Variants in TRAPPC9 observed in about 807,000 individuals in gnomAD.
TRAPPC9 encodes the protein trafficking protein particle complex subunit 9, also known as IKK2 binding protein.
Under a neutral mutation model 124.0 loss-of-function variants are expected in TRAPPC9, and 83 were observed. That is an observed-to-expected ratio of 0.67 (90% confidence interval 0.56 to 0.80). The LOEUF is 0.80. Ranked by LOEUF, TRAPPC9 falls within the 30% of genes least tolerant of loss-of-function variation. The pLI is 0.00. For missense variants in TRAPPC9, 1,302 were observed against 1,508.3 expected, an observed-to-expected ratio of 0.86 and a Z score of 2.27; for synonymous variants, 638 against 617.5, an observed-to-expected ratio of 1.03 and a Z score of -0.49.
intron 7 of TRAPPC9, among the ~76,000 whole-genome samples, chr8:140,383,693 T>A (rs1001000554): frequency 6.6e-6 from 1 of 152,178 alleles, no homozygotes; most frequent in Non-Finnish European, 1.5e-5. Context: ...TTGATTGGTG[T>A]ACCTGAAAGT....
At chr8:139,734,566 G>A (rs1162085663) in intron 21 of TRAPPC9, among the ~76,000 whole-genome samples, 2 of 152,250 alleles carry the variant, frequency 1.3e-5, no homozygotes, top group African/African-American at 2.4e-5. Context: ...CCTCCAGGAA[G>A]GCTGGAGGCC....
chr8:140,347,877 T>C (rs1005172614), intron 9 of TRAPPC9, among the ~76,000 whole-genome samples: 1 of 152,268 alleles, frequency 6.6e-6, no homozygotes, highest in Non-Finnish European at 1.5e-5. Flanking sequence ...CTTCTTCCTT[T>C]TCCATAAGTC....
intron 15 of TRAPPC9, among the ~76,000 whole-genome samples, chr8:140,272,419 G>GATA (rs1258844454): frequency 1.3e-5 from 2 of 148,384 alleles, no homozygotes; most frequent in African/African-American, 5.2e-5. Flanking sequence ...TGGTGATGGT[G>GATA]ATGGTGGTGA....
At chr8:140,361,935 T>C (rs998388836) in intron 8 of TRAPPC9, among the ~76,000 whole-genome samples, 1 of 152,124 alleles carries the variant, frequency 6.6e-6, no homozygotes, top group Non-Finnish European at 1.5e-5. Flanking sequence ...CTAACCTTTC[T>C]CTGTTTGCCC....
rs569407863 is a variant in TRAPPC9, at chr8:140,126,187, A to C, written c.2556+95272T>G. Among the ~76,000 whole-genome samples the C allele has an allele frequency of 9.9e-5, 15 of 152,200 alleles. 1 individual carries two copies. In the East Asian group the frequency reaches 2.5e-3, roughly 26 times the overall value. ...AAGCAGACTCGGAGGAAACCAGATGAGGGGCAAAGCTGCTCTTAGCTCTTC... is the reference window on the plus strand; with the variant it reads ...AAGCAGACTCGGAGGAAACCAGATGCGGGGCAAAGCTGCTCTTAGCTCTTC... On this transcript the variant is annotated intron_variant, in intron 17 of 22. Transcript: ENST00000438773.
rs865912187 is a variant in TRAPPC9 at position 139,742,242 on chromosome 8, G to A, written c.3056-10040C>T. 5.3e-5 allele frequency among the ~76,000 whole-genome samples: 8 copies of A among 152,180 alleles called. No individual in the cohort carries two copies. Among genetic ancestry groups the A allele is most frequent in the East Asian group, 1.9e-4 (1 of 5,182 alleles). On this transcript the variant is annotated intron_variant, in intron 21 of 22. Coordinates refer to ENST00000438773, the MANE Select transcript of TRAPPC9 (RefSeq NM_001160372.4). The surrounding 1 kb of genome is among the most constrained non-coding windows in gnomAD (Gnocchi z 4.7). ...AGTAGCATCTTGCTGCGGTTCTCACGTGCGTTCTCCCGATCTACCCCCAAC... is the reference window on the plus strand; with the variant it reads ...AGTAGCATCTTGCTGCGGTTCTCACATGCGTTCTCCCGATCTACCCCCAAC...
chr8:140,244,888 T>C (rs144324097), intron 16 of TRAPPC9, among the ~76,000 whole-genome samples: 1 of 144,834 alleles, frequency 6.9e-6, no homozygotes, highest in African/African-American at 2.5e-5. Flanking sequence ...CTCACTGCAA[T>C]CTCTGCTTTC....
At chr8:140,101,683 C>T (rs931390301) in intron 17 of TRAPPC9, among the ~76,000 whole-genome samples, 1 of 151,166 alleles carries the variant, frequency 6.6e-6, no homozygotes, top group African/African-American at 2.4e-5. Flanking sequence ...GCTGGGATTA[C>T]AGGCATGCAC....
chr8:139,863,829 G>A (rs1828335309), intron 21 of TRAPPC9, among the ~76,000 whole-genome samples: 1 of 152,188 alleles, frequency 6.6e-6, no homozygotes, highest in Non-Finnish European at 1.5e-5. Context: ...GCCACTGAGG[G>A]GCACGGGAGG....
chr8:140,099,232 G>A (rs1216114233), intron 17 of TRAPPC9: 1 of 149,264 alleles, frequency 6.7e-6, no homozygotes, highest in Non-Finnish European at 1.5e-5. Context: ...GCAGCTGCAG[G>A]AGTGCCGCAG....
At chr8:140,407,769 C>T (rs1564004290) in intron 5 of TRAPPC9, among the ~76,000 whole-genome samples, 1 of 152,054 alleles carries the variant, frequency 6.6e-6, no homozygotes. Context: ...TGACAGGCAC[C>T]CACCAGCAAG....
chr8:139,758,711 G>C (rs564162082), intron 21 of TRAPPC9, among the ~76,000 whole-genome samples: 45 of 152,368 alleles, frequency 3.0e-4, no homozygotes, highest in African/African-American at 1.1e-3. Context: ...GAAGGCGGTT[G>C]GGGCAGGCTG....
intron 17 of TRAPPC9, among the ~76,000 whole-genome samples, chr8:140,188,407 C>T (rs906832778): frequency 6.6e-6 from 1 of 152,226 alleles, no homozygotes; most frequent in African/African-American, 2.4e-5. Context: ...GATTAAGTAA[C>T]ATCTCCCTCC....
intron 9 of TRAPPC9, among the ~76,000 whole-genome samples, chr8:140,319,569 C>T (rs1337805294): frequency 2.0e-5 from 3 of 152,042 alleles, no homozygotes; most frequent in Non-Finnish European, 4.4e-5. Context: ...CAGGCTCAAG[C>T]GATCCTCCCA....
intron 17 of TRAPPC9, among the ~76,000 whole-genome samples, chr8:140,129,612 A>T (rs2061167693): frequency 1.3e-5 from 2 of 152,218 alleles, no homozygotes; most frequent in Non-Finnish European, 2.9e-5. Flanking sequence ...GACTGGGTAC[A>T]CACAGGAGGA....
At chr8:139,796,000 G>A (rs913265624) in intron 21 of TRAPPC9, among the ~76,000 whole-genome samples, 3 of 151,840 alleles carry the variant, frequency 2.0e-5, no homozygotes, top group Non-Finnish European at 4.4e-5. Flanking sequence ...TGGGTTTGGT[G>A]GAGGAAGAGG....
At chr8:139,980,157 G>A (rs1288819709) in intron 19 of TRAPPC9, among the ~76,000 whole-genome samples, 1 of 151,948 alleles carries the variant, frequency 6.6e-6, no homozygotes. Flanking sequence ...TGCCAACCCC[G>A]AGGGACCACA....
chr8:140,392,204 T>TA (rs1050772044), intron 7 of TRAPPC9, among the ~76,000 whole-genome samples: 1 of 152,156 alleles, frequency 6.6e-6, no homozygotes, highest in Non-Finnish European at 1.5e-5. Flanking sequence ...TTCTCATCCT[T>TA]AAAATGGAGC....
rs1377411958 is a variant in TRAPPC9, at chr8:139,727,787, C to A, written c.*3274G>T. Among the ~76,000 whole-genome samples, 1 of 152,174 alleles carries A rather than the reference C, an allele frequency of 6.6e-6. No individual in the cohort carries two copies. Among genetic ancestry groups the A allele is most frequent in the Non-Finnish European group, 1.5e-5 (1 of 68,028 alleles). ...ATCAGCATTTCCTGTCCCATTTCAG[C>A]ACCTGTGTTAGAAAGTTCTTCCTTA... On this transcript the variant is annotated 3_prime_UTR_variant, in exon 23 of 23. Transcript: ENST00000438773.
Sources: allele counts gnomAD v4.1 joint callset (sites outside exome capture counted in the v4.1 genomes callset), GRCh38; gene constraint gnomAD v4.1.1; non-coding constraint Gnocchi (gnomAD v3.1); transcripts MANE v1.5; gene names NCBI Gene and HGNC (gene_info 2026-07-23, HGNC 2026-07-21).